RBM33: variants seen among roughly 807,000 people sequenced by gnomAD.
RBM33 encodes the protein RNA-binding protein 33.
Under a neutral mutation model 132.6 loss-of-function variants are expected in RBM33, and 28 were observed. That is an observed-to-expected ratio of 0.21 (90% CI 0.16 to 0.29). The LOEUF is 0.29. Among genes scored for constraint, RBM33 ranks in the 10% least tolerant of loss-of-function variants. RBM33 has a pLI of 1.00. For missense variants in RBM33, 1,291 were observed against 1,518.5 expected, an observed-to-expected ratio of 0.85 and a Z score of 2.49; for synonymous variants, 634 against 593.0, an observed-to-expected ratio of 1.07 and a Z score of -1.01.
rs566706903 is a variant in RBM33 at position 155,705,380 on chromosome 7, G to A, written c.740-1480G>A. Reference sequence around the variant, plus strand: ...TGCTGATTCACTGCGTAAAATGTGTGTGTGAACTAATCATGTAGTCAAGAT... The same window carrying A: ...TGCTGATTCACTGCGTAAAATGTGTATGTGAACTAATCATGTAGTCAAGAT... On this transcript the variant is annotated intron_variant, in intron 6 of 17. Transcript: ENST00000401878. Among the ~76,000 whole-genome samples the A allele has an allele frequency of 4.6e-5, 7 of 152,324 alleles. No individual in the cohort carries two copies. In the South Asian group the frequency reaches 8.3e-4, roughly 18 times the overall value.
chr7:155,718,404 G>C lies in RBM33; in HGVS notation c.1221G>C (p.Pro407=). ...TPVQVPLLPV[P]SQPRPAVGPQ... ...TTGCAGTGCCCTTGCTACCAGTTCC[G>C]AGCCAGCCGAGACCTGCCGTGGGAC... Residue 407 remains proline, a synonymous_variant, in exon 9 of 18, where the codon CCG becomes CCC. Transcript: ENST00000401878. The C allele has an allele frequency of 1.2e-6, 2 of 1,613,762 alleles. No homozygotes were observed. The highest frequency in any genetic ancestry group is 2.2e-5 in the East Asian group (1 of 44,864).
chr7:155,677,221 CTTTTTTTTTT>C (rs55977961), intron 3 of RBM33, among the ~76,000 whole-genome samples: 1 of 140,400 alleles, frequency 7.1e-6, no homozygotes, highest in Admixed American at 7.1e-5. Flanking sequence ...TTCTTTTTTT[CTTTTTTTTTT>C]TTTTTGAGAT....
chr7:155,733,494 TAGC>T (rs1801018897), intron 9 of RBM33, among the ~76,000 whole-genome samples: 1 of 152,210 alleles, frequency 6.6e-6, no homozygotes, highest in Admixed American at 6.5e-5. Flanking sequence ...TCATAAGTTT[TAGC>T]TTCCTCACTG....
chr7:155,721,865 TAAG>T (rs1448792080), intron 9 of RBM33, among the ~76,000 whole-genome samples: 2 of 152,222 alleles, frequency 1.3e-5, no homozygotes, highest in African/African-American at 2.4e-5. Flanking sequence ...TTGGAGAATT[TAAG>T]AAATGATTTT....
chr7:155,661,146 A>ATATTTTTTTTTT (rs1421586760), intron 1 of RBM33, among the ~76,000 whole-genome samples: 24 of 81,190 alleles, frequency 3.0e-4, no homozygotes, highest in South Asian at 5.1e-4. Flanking sequence ...ATATATATAT[A>ATATTTTTTTTTT]TTTTTTTTTT....
intron 15 of RBM33, among the ~76,000 whole-genome samples, chr7:155,766,252 C>G (rs1802212423): frequency 1.3e-5 from 2 of 152,110 alleles, no homozygotes; most frequent in South Asian, 4.1e-4. Flanking sequence ...CGTCAGCTCC[C>G]TCCTCTTCCT....
At chr7:155,754,517 T>C (rs565654630) in intron 14 of RBM33, among the ~76,000 whole-genome samples, 1 of 152,230 alleles carries the variant, frequency 6.6e-6, no homozygotes, top group East Asian at 1.9e-4. Context: ...CCACAGCATC[T>C]GGAGGTGCCT....
At chr7:155,728,640 C>CT (rs1228598741) in intron 9 of RBM33, among the ~76,000 whole-genome samples, 2 of 152,138 alleles carry the variant, frequency 1.3e-5, no homozygotes, top group African/African-American at 2.4e-5. Flanking sequence ...ATTTCCATGA[C>CT]TGTCTGACTT....
chr7:155,758,794 C>T (rs1319889069), intron 14 of RBM33, among the ~76,000 whole-genome samples: 2 of 152,156 alleles, frequency 1.3e-5, no homozygotes, highest in Non-Finnish European at 2.9e-5. Flanking sequence ...CTGGTGTCTG[C>T]CTGCCCTGAG....
At chr7:155,682,187 C>CT (rs1799355821) in intron 5 of RBM33, among the ~76,000 whole-genome samples, 1 of 152,190 alleles carries the variant, frequency 6.6e-6, no homozygotes, top group Non-Finnish European at 1.5e-5. Flanking sequence ...TCCCAAAGTG[C>CT]TGGGATTACA....
At chr7:155,646,395 T>C (rs540702563) in intron 1 of RBM33, among the ~76,000 whole-genome samples, 1 of 152,318 alleles carries the variant, frequency 6.6e-6, no homozygotes, top group South Asian at 2.1e-4. Flanking sequence ...GAAGAATAAG[T>C]AGGCTTTATT....
At chr7:155,645,456 C>G (rs992660680) in intron 1 of RBM33, among the ~76,000 whole-genome samples, 1 of 152,192 alleles carries the variant, frequency 6.6e-6, no homozygotes, top group Non-Finnish European at 1.5e-5. Flanking sequence ...CTCAATAAAT[C>G]CCTGTTTTAA....
intron 9 of RBM33, among the ~76,000 whole-genome samples, chr7:155,725,128 CTG>C (rs1264130290): frequency 6.7e-6 from 1 of 149,324 alleles, no homozygotes; most frequent in African/African-American, 2.5e-5. Context: ...TTAAGACAGA[CTG>C]TATGCTTTTC....
intron 2 of RBM33, among the ~76,000 whole-genome samples, chr7:155,665,572 T>G (rs1018732323): frequency 6.6e-6 from 1 of 152,278 alleles, no homozygotes; most frequent in African/African-American, 2.4e-5. Context: ...CAGAGTTCTT[T>G]AAGCTCTACT....
intron 6 of RBM33, among the ~76,000 whole-genome samples, chr7:155,704,958 C>T (rs1800071885): frequency 6.6e-6 from 1 of 151,706 alleles, no homozygotes; most frequent in African/African-American, 2.4e-5. Context: ...ATTCAGTTGT[C>T]TTTTAAAAAA....
rs538226292 is a variant in RBM33, at chr7:155,771,376, CAG to C, written c.3376-3182_3376-3181del. ...TTTCTACAATTTTGTATCTAGAAAA[CAG>C]GGTTTATTTCTGAAAGAAGGTACAA... is the stretch of plus-strand genomic sequence containing the variant. On this transcript the variant is annotated intron_variant, in intron 16 of 17. Transcript: ENST00000401878. 3.4e-3 allele frequency among the ~76,000 whole-genome samples: 521 copies of C among 152,194 alleles called. 2 individuals carry two copies. Among genetic ancestry groups the C allele is most frequent in the Non-Finnish European group, 5.1e-3 (344 of 68,016 alleles).
At chr7:155,654,894 T>G (rs1421194340) in intron 1 of RBM33, among the ~76,000 whole-genome samples, 1 of 152,252 alleles carries the variant, frequency 6.6e-6, no homozygotes, top group Admixed American at 6.5e-5. Context: ...CAGATAAACA[T>G]TGGTGGTGAT....
chr7:155,739,743 C>A lies in RBM33; in HGVS notation c.1766C>A (p.Pro589Gln), dbSNP rs560648750. Residue 589 changes from proline (P) to glutamine (Q), a missense_variant, in exon 12 of 18, where the codon CCG (proline) becomes CAG (glutamine). Transcript: ENST00000401878. The part of the protein sequence containing the change: ...QGPLHPPLPP[P>Q]HQPQPQQPQQ... ...CCGTTGCATCCTCCATTGCCCCCTCCGCATCAGCCTCAGCCTCAGCAACCT... is the reference window on the plus strand; with the variant it reads ...CCGTTGCATCCTCCATTGCCCCCTCAGCATCAGCCTCAGCCTCAGCAACCT... The A allele has an allele frequency of 6.5e-7, 1 of 1,547,922 alleles. No individual in the cohort carries two copies. The highest frequency in any genetic ancestry group is 8.7e-7 in the Non-Finnish European group (1 of 1,145,652).
chr7:155,743,464 C>A (rs1801415957), intron 13 of RBM33, among the ~76,000 whole-genome samples: 1 of 152,238 alleles, frequency 6.6e-6, no homozygotes, highest in South Asian at 2.1e-4. Flanking sequence ...AGGATTCTTC[C>A]ATGGAGTTAT....
Sources: allele counts gnomAD v4.1 joint callset (sites outside exome capture counted in the v4.1 genomes callset), GRCh38; gene constraint gnomAD v4.1.1; transcripts MANE v1.5; gene names NCBI Gene and HGNC (gene_info 2026-07-23, HGNC 2026-07-21).